CDH13: variants seen among roughly 807,000 people sequenced by gnomAD.
The protein encoded by CDH13 is cadherin-13.
A neutral mutation model predicts 63.8 loss-of-function variants in CDH13; 24 were observed. The observed-to-expected ratio is 0.38, with a 90% confidence interval of 0.27 to 0.53. The LOEUF is 0.53. CDH13 is among the 20% of genes least tolerant of loss of function. The pLI is 0.85. For synonymous variants in CDH13, 503 were observed against 355.3 expected, an observed-to-expected ratio of 1.42 and a Z score of -4.67; for missense variants, 1,049 against 903.1, an observed-to-expected ratio of 1.16 and a Z score of -2.07.
chr16:83,406,505 C>G (rs1466208259), intron 6 of CDH13, among the ~76,000 whole-genome samples: 8 of 151,770 alleles, frequency 5.3e-5, no homozygotes, highest in Non-Finnish European at 8.8e-5. Context: ...GCTTCATCGC[C>G]CAGGCTGGAG....
intron 2 of CDH13, among the ~76,000 whole-genome samples, chr16:83,016,180 G>C (rs558843126): frequency 6.6e-6 from 1 of 152,118 alleles, no homozygotes; most frequent in African/African-American, 2.4e-5. Context: ...CTACAGGGCT[G>C]ATTATTTTCT....
intron 3 of CDH13, among the ~76,000 whole-genome samples, chr16:83,114,935 T>C (rs1026264062): frequency 1.3e-5 from 2 of 152,210 alleles, no homozygotes; most frequent in Non-Finnish European, 2.9e-5. Flanking sequence ...AAATTGGAGA[T>C]TGGCTTCTGC....
At chr16:83,761,502 G>A (rs1729389394) in intron 11 of CDH13, among the ~76,000 whole-genome samples, 1 of 152,202 alleles carries the variant, frequency 6.6e-6, no homozygotes, top group Admixed American at 6.5e-5. Context: ...TTTATGGACA[G>A]AAAAAGGAAA....
intron 10 of CDH13, among the ~76,000 whole-genome samples, chr16:83,742,250 C>G (rs753973077): frequency 6.6e-6 from 1 of 152,162 alleles, no homozygotes; most frequent in Non-Finnish European, 1.5e-5. Flanking sequence ...AGCCCGCCTT[C>G]CAGGGTGGCG....
chr16:82,667,954 T>C (rs1247724225), intron 1 of CDH13, among the ~76,000 whole-genome samples: 1 of 152,156 alleles, frequency 6.6e-6, no homozygotes, highest in East Asian at 1.9e-4. Context: ...CACGCTGACC[T>C]AATATTAACA....
intron 6 of CDH13, among the ~76,000 whole-genome samples, chr16:83,390,747 A>G (rs1448663545): frequency 6.6e-6 from 1 of 152,224 alleles, no homozygotes; most frequent in Non-Finnish European, 1.5e-5. Context: ...TTAGACATGC[A>G]TCAGAATCAC....
At chr16:83,689,788 G>A (rs1241762991) in intron 10 of CDH13, among the ~76,000 whole-genome samples, 2 of 152,108 alleles carry the variant, frequency 1.3e-5, no homozygotes, top group Non-Finnish European at 2.9e-5. Flanking sequence ...TTTGGATTAG[G>A]GCTATGACCG....
At chr16:83,568,455 T>G (rs62040169) in intron 7 of CDH13, among the ~76,000 whole-genome samples, 1 of 152,082 alleles carries the variant, frequency 6.6e-6, no homozygotes, top group Non-Finnish European at 1.5e-5. Context: ...ATAATGAATG[T>G]CCGCACATGT....
At chr16:82,756,505 T>C (rs1228025774) in intron 1 of CDH13, among the ~76,000 whole-genome samples, 1 of 152,178 alleles carries the variant, frequency 6.6e-6, no homozygotes, top group Non-Finnish European at 1.5e-5. Context: ...TAGCAGTTCC[T>C]TGCCCAAGTT....
At chr16:83,090,691 T>G (rs1368015841) in intron 3 of CDH13, among the ~76,000 whole-genome samples, 1 of 152,086 alleles carries the variant, frequency 6.6e-6, no homozygotes, top group Non-Finnish European at 1.5e-5. Flanking sequence ...TCTCAAGTCT[T>G]CCCCGTCTGT....
At chr16:83,143,036 G>T (rs1451284522) in intron 4 of CDH13, among the ~76,000 whole-genome samples, 1 of 152,126 alleles carries the variant, frequency 6.6e-6, no homozygotes, top group Non-Finnish European at 1.5e-5. Flanking sequence ...CCCGGGAGGC[G>T]GAGGTTGCCA....
intron 4 of CDH13, among the ~76,000 whole-genome samples, chr16:83,189,944 A>G (rs1186410367): frequency 6.6e-6 from 1 of 152,128 alleles, no homozygotes; most frequent in Non-Finnish European, 1.5e-5. Context: ...TCCCCTGCAC[A>G]AGCTCTCTTG....
chr16:82,710,854 C>G (rs922968338), intron 1 of CDH13, among the ~76,000 whole-genome samples: 3 of 150,370 alleles, frequency 2.0e-5, no homozygotes, highest in African/African-American at 7.3e-5. Flanking sequence ...AATGTGTACA[C>G]ATTTCAGAAT....
At chr16:82,758,382 G>A (rs2034700366) in intron 1 of CDH13, among the ~76,000 whole-genome samples, 1 of 151,948 alleles carries the variant, frequency 6.6e-6, no homozygotes, top group Admixed American at 6.6e-5. Flanking sequence ...TAACTTTAGT[G>A]ATTGGGTTTC....
chr16:83,627,861 GC>G (rs968966443), intron 8 of CDH13, among the ~76,000 whole-genome samples: 18 of 152,142 alleles, frequency 1.2e-4, no homozygotes, highest in African/African-American at 4.3e-4. Flanking sequence ...AGCCCCAAGG[GC>G]CAAAGGACTA....
chr16:83,347,191 C>G (rs116232869), intron 6 of CDH13, among the ~76,000 whole-genome samples: 1 of 152,172 alleles, frequency 6.6e-6, no homozygotes, highest in Non-Finnish European at 1.5e-5. Flanking sequence ...TTTCCAACCT[C>G]TTCTTCAACT....
At chr16:83,256,531 A>T (rs994596121) in intron 5 of CDH13, among the ~76,000 whole-genome samples, 21 of 151,812 alleles carry the variant, frequency 1.4e-4, no homozygotes, top group Non-Finnish European at 1.5e-5. Flanking sequence ...ATGTTCCCTG[A>T]CCTCAAGAAG....
rs193089572 is a variant in CDH13 at position 82,642,716 on chromosome 16, G to T, written c.45+15579G>T. On this transcript the variant is annotated intron_variant, in intron 1 of 13. Coordinates refer to ENST00000567109, the MANE Select transcript of CDH13 (RefSeq NM_001257.5). ...GAATTGAGGAATAATAATAGTAGAA[G>T]TGGCAGTAATAGTAGCTGATATCAG... is the stretch of plus-strand genomic sequence containing the variant. Among the ~76,000 whole-genome samples, 464 of 152,340 alleles carry T rather than the reference G, an allele frequency of 3.0e-3. 2 individuals are homozygous for T. The highest frequency in any genetic ancestry group is 3.9e-3 in the Non-Finnish European group (266 of 68,034).
chr16:83,236,900 A>G (rs560828723), intron 5 of CDH13, among the ~76,000 whole-genome samples: 2 of 152,192 alleles, frequency 1.3e-5, no homozygotes, highest in Admixed American at 1.3e-4. Context: ...TGGTGGTTCT[A>G]CAACATCATG....
Sources: gnomAD v4.1 joint callset for allele counts (sites outside exome capture counted in the v4.1 genomes callset) on GRCh38, gnomAD v4.1.1 for gene constraint, MANE v1.5 for transcripts, NCBI Gene and HGNC (gene_info 2026-07-23, HGNC 2026-07-21) for gene names.